BSN: variants seen among roughly 807,000 people sequenced by gnomAD.
BSN encodes bassoon presynaptic cytomatrix protein.
Under a neutral mutation model 264.8 loss-of-function variants are expected in BSN, and 57 were observed. The ratio of observed to expected loss-of-function variants is 0.22; its 90% CI spans 0.17 to 0.27. The LOEUF is 0.27. Ranked by LOEUF, BSN falls within the 10% of genes least tolerant of loss-of-function variation. BSN has a pLI of 1.00. For synonymous variants in BSN, 2,059 were observed against 2,137.3 expected (o/e 0.96, Z 1.01); for missense variants, 4,615 against 5,232.5 (o/e 0.88, Z 3.64).
Position 49,656,549 on chromosome 3 carries a change from A to G in BSN, c.6993A>G (p.Leu2331=), listed in dbSNP as rs1163098984. 25 of 1,566,866 alleles carry G rather than the reference A, an allele frequency of 1.6e-5. No individual in the cohort carries two copies. The highest frequency in any genetic ancestry group is 2.0e-5 in the Non-Finnish European group (23 of 1,157,444). The change falls in exon 5 of 12, where the codon CTA becomes CTG. Residue 2331 remains leucine (L), a synonymous_variant. Transcript: ENST00000296452. ...CAGGAGCCCCAGCTCCTGCCCCACT[A>G]GCTGGCCAGAAGCCACCAGCAGATG... ...EAAGAPAPAP[L]AGQKPPADAA...
At position 49,656,114 on chromosome 3, in the gene BSN, T is replaced by C; in HGVS notation, c.6558T>C (p.Thr2186=). The change falls in exon 5 of 12, where the codon ACT becomes ACC. Residue 2186 remains threonine, a synonymous_variant. Coordinates refer to ENST00000296452, the MANE Select transcript of BSN (RefSeq NM_003458.4). The part of the protein sequence containing the change: ...AVRQLLPSTA[T]VRAADGMIYS... ...GACAGCTGCTGCCGTCCACAGCCAC[T>C]GTACGTGCAGCTGATGGCATGATCT... is the stretch of plus-strand genomic sequence containing the variant. The C allele has an allele frequency of 1.2e-6, 2 of 1,612,836 alleles. No individual in the cohort carries two copies. The highest frequency in any genetic ancestry group is 1.7e-6 in the Non-Finnish European group (2 of 1,179,930).
At chr3:49,556,725 A>G (rs1314380500) in intron 1 of BSN, among the ~76,000 whole-genome samples, 1 of 152,170 alleles carries the variant, frequency 6.6e-6, no homozygotes, top group African/African-American at 2.4e-5. Context: ...AATGGCTTCT[A>G]CTTCCTCTCA....
rs1445932607 is a variant in BSN at position 49,653,500 on chromosome 3, C to T, written c.3944C>T (p.Thr1315Ile). The change falls in exon 5 of 12, where the codon ACC becomes ATC. Residue 1315 changes from threonine (T) to isoleucine (I), a missense_variant. By Grantham distance (89) the Thr-to-Ile change is moderately conservative. Coordinates refer to ENST00000296452, the MANE Select transcript of BSN (RefSeq NM_003458.4). The surrounding 1 kb of genome is among the most constrained non-coding windows in gnomAD (Gnocchi z 6.3). Reference sequence around the variant, plus strand: ...CCCCTTACCCCTGGTACCAGTCCCACCCAGCTCGCTGCCCCTGTGTCCTTC... The same window carrying T: ...CCCCTTACCCCTGGTACCAGTCCCATCCAGCTCGCTGCCCCTGTGTCCTTC... Reference protein sequence around the residue: ...GGPLTPGTSPTQLAAPVSFST... With the variant: ...GGPLTPGTSPIQLAAPVSFST... The T allele has an allele frequency of 6.2e-7, 1 of 1,613,978 alleles. No homozygotes were observed. Among genetic ancestry groups the T allele is most frequent in the Non-Finnish European group, 8.5e-7 (1 of 1,179,936 alleles).
In BSN at chr3:49,651,138, G is replaced by A; in HGVS notation, c.1986+59G>A. On this transcript the variant is annotated intron_variant, in intron 4 of 11. Coordinates refer to ENST00000296452, the MANE Select transcript of BSN (RefSeq NM_003458.4). The surrounding 1 kb of genome is among the most constrained non-coding windows in gnomAD (Gnocchi z 5.4). ...TTCAGACAGGACAGTCTATGGAAAG[G>A]CTTGCCTCCCTGGGTGGCTGAGGCT... is the stretch of plus-strand genomic sequence containing the variant. 1.3e-6 allele frequency: 2 copies of A among 1,522,732 alleles called. No homozygotes were observed. Among genetic ancestry groups the A allele is most frequent in the Non-Finnish European group, 8.8e-7 (1 of 1,136,970 alleles). The allele number at this position is 1,522,732 out of a possible 1,614,324, so 94.3% of individuals were successfully genotyped here.
rs995628616 is a variant in BSN at position 49,667,926 on chromosome 3, C to G, written c.*441C>G. On this transcript the variant is annotated 3_prime_UTR_variant, in exon 12 of 12. Transcript: ENST00000296452. Reference sequence around the variant, plus strand: ...TACACAGAGTTTGGGCACACACTGCCCTCCCTCCGAGATGCCAGAAGTTTT... The same window carrying G: ...TACACAGAGTTTGGGCACACACTGCGCTCCCTCCGAGATGCCAGAAGTTTT... 3.3e-5 allele frequency: 5 copies of G among 152,544 alleles called. No homozygotes were observed. Among genetic ancestry groups the G allele is most frequent in the Non-Finnish European group, 5.9e-5 (4 of 68,040 alleles). 9.4% of individuals were successfully genotyped at this position (152,544 alleles called of 1,614,324 possible).
chr3:49,638,631 A>T lies in BSN; in HGVS notation c.634-3637A>T, dbSNP rs2052437663. Reference sequence around the variant, plus strand: ...AGAAATAGCTGCACCCATCTGGGCGATGAGTCACTGAGGGGCGTTTCAGCC... The same window carrying T: ...AGAAATAGCTGCACCCATCTGGGCGTTGAGTCACTGAGGGGCGTTTCAGCC... On this transcript the variant is annotated intron_variant, in intron 2 of 11. Coordinates refer to ENST00000296452, the MANE Select transcript of BSN (RefSeq NM_003458.4). The surrounding 1 kb of genome is among the most constrained non-coding windows in gnomAD (Gnocchi z 4.3). Among the ~76,000 whole-genome samples, 1 of 152,156 alleles carries T rather than the reference A, an allele frequency of 6.6e-6. No individual in the cohort carries two copies. The highest frequency in any genetic ancestry group is 1.5e-5 in the Non-Finnish European group (1 of 68,034).
At chr3:49,598,685 G>A (rs916570103) in intron 1 of BSN, among the ~76,000 whole-genome samples, 1 of 152,090 alleles carries the variant, frequency 6.6e-6, no homozygotes, top group Non-Finnish European at 1.5e-5. Context: ...GGGATTACAG[G>A]CATGAGCCAC....
At chr3:49,569,607 C>T (rs2108005781) in intron 1 of BSN, among the ~76,000 whole-genome samples, 1 of 152,260 alleles carries the variant, frequency 6.6e-6, no homozygotes, top group Non-Finnish European at 1.5e-5. Flanking sequence ...TTGGAGGGCT[C>T]AGGGGCCTAC....
chr3:49,587,811 G>A (rs1278487021), intron 1 of BSN, among the ~76,000 whole-genome samples: 1 of 151,934 alleles, frequency 6.6e-6, no homozygotes, highest in African/African-American at 2.4e-5. Flanking sequence ...CCAATCAGGG[G>A]TACTTTCTGT....
chr3:49,655,010 C>G lies in BSN; in HGVS notation c.5454C>G (p.Ile1818Met), dbSNP rs369243978. 3.7e-6 allele frequency: 6 copies of G among 1,613,302 alleles called. No homozygotes were observed. The highest frequency in any genetic ancestry group is 4.2e-6 in the Non-Finnish European group (5 of 1,180,014). Residue 1818 changes from isoleucine (I) to methionine (M), a missense_variant, in exon 5 of 12, where the codon ATC becomes ATG. Ile to Met is a conservative substitution (Grantham distance 10). Transcript: ENST00000296452. ...CTCTGGCCAGAAGAGACGTTTTGAT[C>G]ACTCAGATGGGCACCGCCCAGAGCA... ...VAPLARRDVLITQMGTAQSIG... is the reference protein window; with the variant it reads ...VAPLARRDVLMTQMGTAQSIG...
chr3:49,643,223 G>C, intron 3 of BSN, 71 bp downstream of exon 3: 2 of 1,517,476 alleles, frequency 1.3e-6, no homozygotes, highest in Non-Finnish European at 1.8e-6. Flanking sequence ...AGTGTCATGG[G>C]AACCAGAAAG....
chr3:49,602,435 C>T (rs2052079239), intron 1 of BSN, among the ~76,000 whole-genome samples: 1 of 151,856 alleles, frequency 6.6e-6, no homozygotes, highest in Non-Finnish European at 1.5e-5. Context: ...GTGTCACTTC[C>T]TCTCTTTAAA....
Position 49,655,375 on chromosome 3 carries a change from C to G in BSN, c.5819C>G (p.Pro1940Arg). 6.3e-7 allele frequency: 1 copy of G among 1,586,898 alleles called. No homozygotes were observed. Among genetic ancestry groups the G allele is most frequent in the Non-Finnish European group, 8.6e-7 (1 of 1,166,078 alleles). ...GCCCCACCTGGCCAAAGCAGCAGCC[C>G]CTTCTATGGTCCCCGGGACCCTGAG... ...DAAPPGQSSS[P>R]FYGPRDPEPP... The change falls in exon 5 of 12, where the codon CCC (proline) becomes CGC (arginine). Residue 1940 changes from proline to arginine, a missense_variant. Physicochemically the swap from Pro to Arg is moderately radical, Grantham distance 103. Around this residue, in one of 3 missense-constraint regions of BSN, gnomAD observed 3,415 missense variants for 3,866.4 expected, o/e 0.88. Coordinates refer to ENST00000296452, the MANE Select transcript of BSN (RefSeq NM_003458.4).
At position 49,654,991 on chromosome 3, in the gene BSN, C is replaced by G; in HGVS notation, c.5435C>G (p.Ala1812Gly). The change falls in exon 5 of 12, where the codon GCC (alanine) becomes GGC (glycine). Residue 1812 changes from alanine (A) to glycine (G), a missense_variant. By Grantham distance (60) the Ala-to-Gly change is moderately conservative. Around this residue, in one of 3 missense-constraint regions of BSN, gnomAD observed 3,415 missense variants for 3,866.4 expected, o/e 0.88. Coordinates refer to ENST00000296452, the MANE Select transcript of BSN (RefSeq NM_003458.4). The surrounding 1 kb of genome is among the most constrained non-coding windows in gnomAD (Gnocchi z 4.1). ...CTACCCAACCAAGTAGCTCCTCTGG[C>G]CAGAAGAGACGTTTTGATCACTCAG... ...YNLPNQVAPL[A>G]RRDVLITQMG... 1 of 1,613,220 alleles carries G rather than the reference C, an allele frequency of 6.2e-7. No individual in the cohort carries two copies.
intron 10 of BSN, 123 bp from the exon 11 acceptor site, chr3:49,665,091 AAAGCCAGGGCCAGTG>A: frequency 2.2e-6 from 1 of 461,422 alleles, no homozygotes; most frequent in Non-Finnish European, 3.8e-6. Context: ...AGGAGGGGCC[AAAGCCAGGGCCAGTG>A]CCCTGGCTTT....
chr3:49,632,893 G>A (rs934105909), intron 2 of BSN, among the ~76,000 whole-genome samples: 21 of 152,198 alleles, frequency 1.4e-4, no homozygotes, highest in Admixed American at 1.2e-3. Context: ...CTGAGCCTAG[G>A]AGTTTGAGAC....
rs889196027 is a variant in BSN at position 49,661,508 on chromosome 3, C to T, written c.9663C>T (p.Thr3221=). 1.2e-6 allele frequency: 2 copies of T among 1,614,004 alleles called. No individual in the cohort carries two copies. The highest frequency in any genetic ancestry group is 1.7e-6 in the Non-Finnish European group (2 of 1,180,052). ...CCTACCCCTCTGACTCACACTATAC[C>T]AGTCTGGAGCAGAACGTTCCTCGAA... The part of the protein sequence containing the change: ...APTYPSDSHY[T]SLEQNVPRNY... Residue 3221 remains threonine (T), a synonymous_variant, in exon 6 of 12, where the codon ACC becomes ACT. Transcript: ENST00000296452.
Position 49,653,159 on chromosome 3 carries a change from G to T in BSN, c.3603G>T (p.Gln1201His). The change falls in exon 5 of 12, where the codon CAG becomes CAT. Residue 1201 changes from glutamine to histidine, a missense_variant. Around this residue, in one of 3 missense-constraint regions of BSN, gnomAD observed 3,415 missense variants for 3,866.4 expected, o/e 0.88. Coordinates refer to ENST00000296452, the MANE Select transcript of BSN (RefSeq NM_003458.4). The surrounding 1 kb of genome is among the most constrained non-coding windows in gnomAD (Gnocchi z 6.3). ...MMRKAELLQR[Q>H]QGQAAGARGP... Reference sequence around the variant, plus strand: ...GCAAAGCTGAGCTGCTCCAGAGGCAGCAAGGCCAGGCAGCAGGGGCCCGGG... The same window carrying T: ...GCAAAGCTGAGCTGCTCCAGAGGCATCAAGGCCAGGCAGCAGGGGCCCGGG... 2 of 1,612,554 alleles carry T rather than the reference G, an allele frequency of 1.2e-6. No homozygotes were observed. Among genetic ancestry groups the T allele is most frequent in the Non-Finnish European group, 1.7e-6 (2 of 1,179,768 alleles).
At chr3:49,574,050 A>G (rs534507340) in intron 1 of BSN, among the ~76,000 whole-genome samples, 30 of 152,102 alleles carry the variant, frequency 2.0e-4, no homozygotes, top group Admixed American at 3.9e-4. Context: ...CCCGGGCTCA[A>G]GCAATCCTCT....
Sources: allele counts gnomAD v4.1 joint callset (sites outside exome capture counted in the v4.1 genomes callset), GRCh38; gene constraint gnomAD v4.1.1; regional missense constraint gnomAD v4.1.1; non-coding constraint Gnocchi (gnomAD v3.1); transcripts MANE v1.5; gene names NCBI Gene and HGNC (gene_info 2026-07-23, HGNC 2026-07-21).